Variants in ZNF454 observed in about 807,000 individuals in gnomAD.
The protein encoded by ZNF454 is zinc finger protein 454.
ZNF454 carries 30 observed loss-of-function variants against 48.2 expected under a neutral mutation model. That is an observed-to-expected ratio of 0.62 (90% confidence interval 0.47 to 0.84). ZNF454 has a LOEUF of 0.84. Among genes scored for constraint, ZNF454 ranks in the 40% least tolerant of loss-of-function variants. The pLI is 0.00. For missense variants in ZNF454, 510 were observed against 623.1 expected, an observed-to-expected ratio of 0.82 and a Z score of 1.93; for synonymous variants, 204 against 211.4, an observed-to-expected ratio of 0.97 and a Z score of 0.30.
chr5:178,982,854 T>C, the ZNF454 span: 8 of 1,246,566 alleles, frequency 6.4e-6, no homozygotes, highest in Non-Finnish European at 8.3e-6. Flanking sequence ...CATGAATGAA[T>C]CGACCAGCCT....
At chr5:178,956,526 A>AG (rs1280864372) in intron 4 of ZNF454, among the ~76,000 whole-genome samples, 1 of 150,598 alleles carries the variant, frequency 6.6e-6, no homozygotes, top group Non-Finnish European at 1.5e-5. Flanking sequence ...AAAGAAAAAA[A>AG]AAAAAAAAAA....
intron 2 of ZNF454, among the ~76,000 whole-genome samples, chr5:178,943,817 A>C (rs1759208362): frequency 1.3e-5 from 2 of 152,188 alleles, no homozygotes; most frequent in Non-Finnish European, 2.9e-5. Context: ...CGAGGTCAGG[A>C]GATCGAGACC....
At chr5:178,963,970 C>G (rs1760069475) in intron 4 of ZNF454, among the ~76,000 whole-genome samples, 1 of 151,758 alleles carries the variant, frequency 6.6e-6, no homozygotes, top group Non-Finnish European at 1.5e-5. Context: ...TAAAAATCAT[C>G]TCATTTGAAT....
At chr5:178,942,945 C>A in intron 2 of ZNF454, 121 bp downstream of exon 2, 2 of 1,151,466 alleles carry the variant, frequency 1.7e-6, no homozygotes, top group South Asian at 1.6e-5. Context: ...ACCTCAGTTG[C>A]CTCTCCCCAA....
chr5:178,988,904 C>G, the ZNF454 span: 1 of 1,573,472 alleles, frequency 6.4e-7, no homozygotes, highest in South Asian at 1.1e-5. The surrounding 1 kb of genome is among the most constrained non-coding windows in gnomAD (Gnocchi z 6.0). Flanking sequence ...AGCTGTCCTT[C>G]ACTGCTGCAG....
Position 178,966,002 on chromosome 5 carries a change from T to G in ZNF454, c.*29T>G, listed in dbSNP as rs1760141458. ...GAATGCAGTTTGTATGGAAGACCTT[T>G]GAGACTGAGTAGATGAATTATTGAA... On this transcript the variant is annotated 3_prime_UTR_variant, in exon 5 of 5. Transcript: ENST00000519564. 4 of 1,466,966 alleles carry G rather than the reference T, an allele frequency of 2.7e-6. No homozygotes were observed. The highest frequency in any genetic ancestry group is 2.8e-6 in the Non-Finnish European group (3 of 1,086,060). 90.9% of individuals were successfully genotyped at this position (1,466,966 alleles called of 1,614,324 possible). A position where few individuals can be genotyped will look rare whatever the true frequency, so the allele number is the denominator to read the frequency against.
the ZNF454 span, among the ~76,000 whole-genome samples, chr5:178,972,544 C>T: frequency 1.8e-4 from 27 of 152,154 alleles, no homozygotes; most frequent in Non-Finnish European, 2.5e-4. Context: ...GAGGTTCACC[C>T]ATACCACATG....
At chr5:178,985,352 C>T in the ZNF454 span, 10 of 429,510 alleles carry the variant, frequency 2.3e-5, no homozygotes, top group African/African-American at 1.6e-4. Flanking sequence ...GAGATGGCGG[C>T]CCTAACTGAG....
chr5:178,984,971 C>G, the ZNF454 span, among the ~76,000 whole-genome samples: 2 of 152,086 alleles, frequency 1.3e-5, no homozygotes, highest in South Asian at 4.1e-4. Context: ...ACATCCAGGG[C>G]GCCCCAGACT....
chr5:178,947,013 C>T lies in ZNF454; in HGVS notation c.250+27C>T, dbSNP rs368325650. 9 of 1,596,670 alleles carry T rather than the reference C, an allele frequency of 5.6e-6. No individual in the cohort carries two copies. The African/African-American group carries it at 6.7e-5, about 12-fold the overall frequency. Reference sequence around the variant, plus strand: ...TAAGAATCATGTGTGTGGGAGACACCGGGAGGAGCCCTGCTGGGTAGGGAA... The same window carrying T: ...TAAGAATCATGTGTGTGGGAGACACTGGGAGGAGCCCTGCTGGGTAGGGAA... On this transcript the variant is annotated intron_variant, in intron 4 of 4. Transcript: ENST00000519564.
intron 4 of ZNF454, among the ~76,000 whole-genome samples, chr5:178,950,993 GGGA>G (rs1416631148): frequency 2.6e-5 from 4 of 151,930 alleles, no homozygotes; most frequent in Non-Finnish European, 4.4e-5. Flanking sequence ...CAGAAGAGCT[GGGA>G]CTACCGGTGC....
chr5:178,987,125 G>A, the ZNF454 span: 1 of 839,808 alleles, frequency 1.2e-6, no homozygotes, highest in Non-Finnish European at 2.0e-6. Flanking sequence ...CAAGCCGCAG[G>A]GAGATCCCCC....
the ZNF454 span, chr5:178,977,421 G>C: frequency 2.2e-6 from 1 of 456,336 alleles, no homozygotes; most frequent in Non-Finnish European, 4.4e-6. Flanking sequence ...CTGGTGTCTT[G>C]CTCTTGGACT....
intron 4 of ZNF454, among the ~76,000 whole-genome samples, chr5:178,964,334 A>T (rs1231136870): frequency 1.3e-5 from 2 of 151,962 alleles, no homozygotes; most frequent in African/African-American, 4.8e-5. Flanking sequence ...GTTAGCCAGG[A>T]TGGTCTCGAT....
intron 4 of ZNF454, among the ~76,000 whole-genome samples, chr5:178,955,206 T>G (rs1759699315): frequency 6.6e-6 from 1 of 152,190 alleles, no homozygotes; most frequent in Admixed American, 6.5e-5. Context: ...TCTGGTTGCT[T>G]CTTATTGCAC....
At chr5:178,982,713 GAA>G in the ZNF454 span, 1 of 466,466 alleles carries the variant, frequency 2.1e-6, no homozygotes, top group East Asian at 3.3e-5. Context: ...AAGAAAAAAA[GAA>G]GAGTGGAAGT....
At position 178,944,311 on chromosome 5, in the gene ZNF454, G is replaced by A. The variant is rs374463911; in HGVS notation, c.33+1487G>A. Reference sequence around the variant, plus strand: ...ACCACTTTTTCTGCAAAACCTGTCCGCACCCACAGTGCCAGTCTACTGTGA... The same window carrying A: ...ACCACTTTTTCTGCAAAACCTGTCCACACCCACAGTGCCAGTCTACTGTGA... On this transcript the variant is annotated intron_variant, in intron 2 of 4. Coordinates refer to ENST00000519564, the MANE Select transcript of ZNF454 (RefSeq NM_001178089.3). This position sits in a 1 kb window ranked among gnomAD's most constrained non-coding sequence, Gnocchi z 4.1. Among the ~76,000 whole-genome samples the A allele has an allele frequency of 2.6e-4, 40 of 152,200 alleles. No homozygotes were observed. In the East Asian group the frequency reaches 3.3e-3, roughly 13 times the overall value.
chr5:178,953,043 C>T (rs2113223544), intron 4 of ZNF454, among the ~76,000 whole-genome samples: 1 of 152,140 alleles, frequency 6.6e-6, no homozygotes, highest in Middle Eastern at 3.4e-3. Flanking sequence ...TAGAAGTAGC[C>T]ACTCCCTCTT....
chr5:178,968,896 A>G (rs1429571188), downstream of ZNF454: 1 of 456,606 alleles, frequency 2.2e-6, no homozygotes, highest in South Asian at 1.5e-5. Context: ...TCCAGGAACT[A>G]GCGTCAGCGG....
Sources: allele counts gnomAD v4.1 joint callset (sites outside exome capture counted in the v4.1 genomes callset), GRCh38; gene constraint gnomAD v4.1.1; non-coding constraint Gnocchi (gnomAD v3.1); transcripts MANE v1.5; gene names NCBI Gene and HGNC (gene_info 2026-07-23, HGNC 2026-07-21).